CNTN5: variants seen among roughly 807,000 people sequenced by gnomAD.
CNTN5 encodes the protein contactin-5.
Under a neutral mutation model 129.1 loss-of-function variants are expected in CNTN5, and 77 were observed. The observed-to-expected ratio is 0.60, with a 90% CI of 0.50 to 0.72. The LOEUF is 0.72. Ranked by LOEUF, CNTN5 falls within the 30% of genes least tolerant of loss-of-function variation. CNTN5 has a pLI of 0.00. For synonymous variants in CNTN5, 509 were observed against 465.6 expected (o/e 1.09, Z -1.20); for missense variants, 1,478 against 1,328.8 (o/e 1.11, Z -1.75).
At chr11:99,430,757 A>G (rs1171634181) in intron 2 of CNTN5, among the ~76,000 whole-genome samples, 4 of 151,982 alleles carry the variant, frequency 2.6e-5, no homozygotes, top group African/African-American at 9.7e-5. Context: ...AGAAAAAGAC[A>G]AGGAAGAAAG....
chr11:99,760,187 A>C (rs1944533025), intron 3 of CNTN5, among the ~76,000 whole-genome samples: 1 of 152,166 alleles, frequency 6.6e-6, no homozygotes. Context: ...GTGAAGTGTC[A>C]GAGGAGTCTG....
chr11:99,896,731 A>G (rs933942468), intron 6 of CNTN5, among the ~76,000 whole-genome samples: 4 of 152,174 alleles, frequency 2.6e-5, no homozygotes, highest in Non-Finnish European at 5.9e-5. Flanking sequence ...GCTTCAAACA[A>G]TGAAATTTAG....
At chr11:100,354,711 C>T (rs1320301432) in intron 24 of CNTN5, among the ~76,000 whole-genome samples, 1 of 151,626 alleles carries the variant, frequency 6.6e-6, no homozygotes, top group Non-Finnish European at 1.5e-5. Flanking sequence ...GATGGTATAG[C>T]TTACTATACA....
intron 2 of CNTN5, among the ~76,000 whole-genome samples, chr11:99,368,592 T>G (rs1337838478): frequency 6.6e-6 from 1 of 152,180 alleles, no homozygotes; most frequent in Non-Finnish European, 1.5e-5. Context: ...AAGTTAATAA[T>G]CAGTGTTTAT....
intron 13 of CNTN5, among the ~76,000 whole-genome samples, chr11:100,095,395 A>G (rs1944971601): frequency 6.6e-6 from 1 of 152,104 alleles, no homozygotes. Flanking sequence ...TTCTTTATTT[A>G]TTAAAAATTC....
At chr11:99,889,250 G>A (rs866888141) in intron 6 of CNTN5, among the ~76,000 whole-genome samples, 1 of 151,680 alleles carries the variant, frequency 6.6e-6, no homozygotes, top group South Asian at 2.1e-4. Flanking sequence ...GATGTTGTCA[G>A]CATGGGCTTA....
chr11:99,891,332 TTTA>T (rs60752155), intron 6 of CNTN5, among the ~76,000 whole-genome samples: 6 of 151,762 alleles, frequency 4.0e-5, no homozygotes, highest in African/African-American at 9.7e-5. Flanking sequence ...CCAATATCTT[TTTA>T]TTATTATTAT....
intron 2 of CNTN5, among the ~76,000 whole-genome samples, chr11:99,441,886 CAG>C: frequency 6.6e-6 from 1 of 152,224 alleles, no homozygotes; most frequent in Non-Finnish European, 1.5e-5. Context: ...GCGTTTCCAT[CAG>C]TGTCCAGCCC....
chr11:99,941,797 G>A (rs1950444811), intron 7 of CNTN5, among the ~76,000 whole-genome samples: 1 of 152,036 alleles, frequency 6.6e-6, no homozygotes, highest in South Asian at 2.1e-4. Flanking sequence ...CTAACAGCAG[G>A]GCCAGTGTGG....
At chr11:99,963,118 A>C (rs370034892) in intron 8 of CNTN5, among the ~76,000 whole-genome samples, 68 of 152,198 alleles carry the variant, frequency 4.5e-4, no homozygotes, top group Non-Finnish European at 4.4e-4. Context: ...TGCCTGTTCA[A>C]TCTGATGGTA....
chr11:99,390,959 A>G (rs1175884184), intron 2 of CNTN5, among the ~76,000 whole-genome samples: 5 of 152,050 alleles, frequency 3.3e-5, no homozygotes, highest in African/African-American at 1.2e-4. Context: ...GTTTCTTTGT[A>G]CCAGTAATTA....
At chr11:99,740,149 C>T (rs922272313) in intron 3 of CNTN5, among the ~76,000 whole-genome samples, 1 of 151,982 alleles carries the variant, frequency 6.6e-6, no homozygotes, top group Admixed American at 6.6e-5. Context: ...TTTCAAATAA[C>T]CAAAAGAAAA....
intron 2 of CNTN5, among the ~76,000 whole-genome samples, chr11:99,435,300 A>G (rs545501649): frequency 2.0e-5 from 3 of 152,274 alleles, no homozygotes; most frequent in African/African-American, 7.2e-5. Context: ...CTTAGTCAAT[A>G]CTTTTTAAAA....
Position 100,358,848 on chromosome 11 carries a change from A to G in CNTN5, c.*2628A>G, listed in dbSNP as rs1952583323. On this transcript the variant is annotated 3_prime_UTR_variant, in exon 25 of 25. Coordinates refer to ENST00000524871, the MANE Select transcript of CNTN5 (RefSeq NM_014361.4). ...CTGTGTACTGTTCTTGTAACATTAG[A>G]TCTTTTTAATAAATAATTCTCTTTT... 6.6e-6 allele frequency: 1 copy of G among 151,922 alleles called. No homozygotes were observed. Among genetic ancestry groups the G allele is most frequent in the Admixed American group, 6.6e-5 (1 of 15,210 alleles). The allele number at this position is 151,922 out of a possible 1,614,324, so 9.4% of individuals were successfully genotyped here.
At chr11:99,726,688 AT>A (rs1483968151) in intron 3 of CNTN5, among the ~76,000 whole-genome samples, 1 of 152,160 alleles carries the variant, frequency 6.6e-6, no homozygotes, top group African/African-American at 2.4e-5. Context: ...GATTAAGTTA[AT>A]TTTTCAAGAT....
intron 19 of CNTN5, among the ~76,000 whole-genome samples, chr11:100,298,164 T>C (rs1251949710): frequency 1.3e-5 from 2 of 151,394 alleles, no homozygotes; most frequent in Non-Finnish European, 3.0e-5. Flanking sequence ...TCTTAGAATA[T>C]ATAGAAATGG....
chr11:99,722,388 C>T (rs1416170361), intron 3 of CNTN5, among the ~76,000 whole-genome samples: 1 of 152,014 alleles, frequency 6.6e-6, no homozygotes, highest in African/African-American at 2.4e-5. Context: ...GGACAGAAAA[C>T]CAAATACCAC....
intron 13 of CNTN5, among the ~76,000 whole-genome samples, chr11:100,163,049 TAA>T (rs1947510610): frequency 1.3e-5 from 2 of 151,930 alleles, no homozygotes; most frequent in Admixed American, 6.6e-5. Flanking sequence ...TAGAGTATAT[TAA>T]GTTTTAAAAC....
intron 3 of CNTN5, among the ~76,000 whole-genome samples, chr11:99,671,152 T>C (rs76861432): frequency 3.4e-5 from 1 of 29,522 alleles, no homozygotes; most frequent in African/African-American, 9.5e-5. Context: ...GATTGAGTTT[T>C]TTTTTTTTTA....
Sources: gnomAD v4.1 joint callset for allele counts (sites outside exome capture counted in the v4.1 genomes callset) on GRCh38, gnomAD v4.1.1 for gene constraint, MANE v1.5 for transcripts, NCBI Gene and HGNC (gene_info 2026-07-23, HGNC 2026-07-21) for gene names.